CREB5: variants seen among roughly 807,000 people sequenced by gnomAD.
CREB5 encodes the protein cyclic AMP-responsive element-binding protein 5.
A neutral mutation model predicts 57.1 loss-of-function variants in CREB5; 19 were observed. The observed-to-expected ratio is 0.33, with a 90% CI of 0.23 to 0.49. The LOEUF (loss-of-function observed/expected upper bound fraction) is 0.49, where lower values mean the gene tolerates loss of function less well. CREB5 is among the 20% of genes least tolerant of loss of function. The pLI is 0.99. For synonymous variants in CREB5, 238 were observed against 238.3 expected (o/e 1.00, Z 0.01); for missense variants, 579 against 671.6 (o/e 0.86, Z 1.52).
rs562176269 is a variant in CREB5, at chr7:28,609,807, C to G, written c.464+39270C>G. ...ACACTCGCCTGTGGTTGACAGGACT[C>G]TGGCACAAGTGCCGTGGAGGATGAT... On this transcript the variant is annotated intron_variant, in intron 5 of 10. Coordinates refer to ENST00000357727, the MANE Select transcript of CREB5 (RefSeq NM_182898.4). Among the ~76,000 whole-genome samples, 9 of 152,322 alleles carry G rather than the reference C, an allele frequency of 5.9e-5. No homozygotes were observed. In the South Asian group the frequency reaches 1.2e-3, roughly 21 times the overall value.
chr7:28,490,460 G>A (rs1791748662), intron 2 of CREB5, among the ~76,000 whole-genome samples: 1 of 152,228 alleles, frequency 6.6e-6, no homozygotes, highest in African/African-American at 2.4e-5. Flanking sequence ...CCAGGGTTGT[G>A]TAGGACAGTA....
intron 4 of CREB5, among the ~76,000 whole-genome samples, chr7:28,527,161 G>T (rs1446861609): frequency 6.6e-6 from 1 of 152,192 alleles, no homozygotes. Context: ...CAACATCCAA[G>T]AAGTAGTTTG....
chr7:28,672,584 GC>G (rs1800104336), intron 5 of CREB5, among the ~76,000 whole-genome samples: 1 of 152,168 alleles, frequency 6.6e-6, no homozygotes, highest in Non-Finnish European at 1.5e-5. Context: ...AACGGGAAAT[GC>G]CCTGGGCCTC....
intron 5 of CREB5, among the ~76,000 whole-genome samples, chr7:28,673,564 C>T (rs1800153092): frequency 1.3e-5 from 2 of 151,720 alleles, no homozygotes; most frequent in Admixed American, 1.3e-4. Context: ...ATCTCATGCC[C>T]ATGGGCAATT....
chr7:28,570,284 C>T, intron 4 of CREB5, 81 bp from the exon 5 acceptor site: 2 of 1,453,654 alleles, frequency 1.4e-6, no homozygotes, highest in Non-Finnish European at 1.9e-6. Context: ...ACTAGATTCC[C>T]AGTTTTGGCC....
intron 3 of CREB5, among the ~76,000 whole-genome samples, chr7:28,502,468 A>G (rs964721825): frequency 5.3e-5 from 8 of 152,228 alleles, no homozygotes; most frequent in African/African-American, 1.9e-4. Flanking sequence ...ACTAATTCCA[A>G]TATTTTTCTC....
rs554002399 is a variant in CREB5, at chr7:28,483,305, G to C, written c.4-4870G>C. Among the ~76,000 whole-genome samples the C allele has an allele frequency of 5.9e-5, 9 of 152,310 alleles. No homozygotes were observed. In the South Asian group the frequency reaches 1.9e-3, roughly 32 times the overall value. On this transcript the variant is annotated intron_variant, in intron 1 of 10. Transcript: ENST00000357727. ...TTTAGACCAGGAATTTGTGGGGTCA[G>C]ACACTGAACAATGAAAGAGATTCTT... is the stretch of plus-strand genomic sequence containing the variant.
chr7:28,570,636 C>A, intron 5 of CREB5, 99 bp downstream of exon 5: 1 of 1,378,430 alleles, frequency 7.3e-7, no homozygotes, highest in Non-Finnish European at 9.9e-7. Flanking sequence ...GTTGGTTTTT[C>A]TGGCTGTCAT....
intron 7 of CREB5, among the ~76,000 whole-genome samples, chr7:28,770,039 G>A (rs1806235871): frequency 6.6e-6 from 1 of 152,202 alleles, no homozygotes; most frequent in African/African-American, 2.4e-5. Flanking sequence ...GACAGACAGG[G>A]AGCCTGAGCT....
At chr7:28,312,685 G>A (rs1305016590) in intron 1 of CREB5, among the ~76,000 whole-genome samples, 1 of 152,146 alleles carries the variant, frequency 6.6e-6, no homozygotes, top group Non-Finnish European at 1.5e-5. Flanking sequence ...GATAATTAAC[G>A]TGAAAGTGCC....
intron 1 of CREB5, among the ~76,000 whole-genome samples, chr7:28,324,236 C>G (rs1484242009): frequency 6.6e-6 from 1 of 152,180 alleles, no homozygotes; most frequent in African/African-American, 2.4e-5. Flanking sequence ...TTTTATCCTT[C>G]TAGCTTCTGC....
In CREB5 at chr7:28,560,897, C is replaced by CGTGT. The variant is rs1334757992; in HGVS notation, c.292-9465_292-9464insTGTG. ...GCGCGTGCGTGCGTGCGTGTGTGTG[C>CGTGT]GTGCGCGCGTGCGTGTGCGTGTGTG... is the stretch of plus-strand genomic sequence containing the variant. On this transcript the variant is annotated intron_variant, in intron 4 of 10. Coordinates refer to ENST00000357727, the MANE Select transcript of CREB5 (RefSeq NM_182898.4). 4.4e-4 allele frequency among the ~76,000 whole-genome samples: 10 copies of CGTGT among 22,548 alleles called. 1 individual carries two copies. Among genetic ancestry groups the CGTGT allele is most frequent in the Admixed American group, 2.0e-3 (4 of 2,000 alleles). 14.8% of individuals were successfully genotyped at this position (22,548 alleles called of 152,430 possible).
chr7:28,479,638 C>T (rs563016431), intron 1 of CREB5, among the ~76,000 whole-genome samples: 14 of 152,140 alleles, frequency 9.2e-5, no homozygotes, highest in Non-Finnish European at 1.8e-4. Context: ...CAACGGACAT[C>T]GTGAGCTGTC....
intron 4 of CREB5, among the ~76,000 whole-genome samples, chr7:28,534,488 C>T (rs1285789921): frequency 1.3e-5 from 2 of 152,210 alleles, no homozygotes; most frequent in African/African-American, 2.4e-5. Context: ...GCAATCCCTC[C>T]TGTAATCGTG....
intron 4 of CREB5, among the ~76,000 whole-genome samples, chr7:28,549,054 G>A (rs181573765): frequency 6.6e-6 from 1 of 152,280 alleles, no homozygotes; most frequent in Non-Finnish European, 1.5e-5. Flanking sequence ...ACTTCCTAAT[G>A]GAATACATGT....
intron 5 of CREB5, among the ~76,000 whole-genome samples, chr7:28,651,202 T>C (rs985186506): frequency 6.6e-6 from 1 of 152,246 alleles, no homozygotes; most frequent in South Asian, 2.1e-4. Flanking sequence ...GCAATTTTTA[T>C]TGAAAATCAT....
chr7:28,798,999 T>G (rs1014193207), intron 7 of CREB5, among the ~76,000 whole-genome samples: 1 of 152,042 alleles, frequency 6.6e-6, no homozygotes. Flanking sequence ...GAGAGTGGAG[T>G]AGAAATTTCT....
intron 1 of CREB5, among the ~76,000 whole-genome samples, chr7:28,406,737 C>T (rs1177008397): frequency 6.6e-6 from 1 of 152,186 alleles, no homozygotes; most frequent in Non-Finnish European, 1.5e-5. Context: ...AACTCTGGCT[C>T]TGAGAAATCC....
At chr7:28,524,068 G>A (rs1793321221) in intron 4 of CREB5, among the ~76,000 whole-genome samples, 2 of 152,208 alleles carry the variant, frequency 1.3e-5, no homozygotes. Context: ...GTGAATGAAT[G>A]TCCTCACTGA....
Sources: allele counts gnomAD v4.1 joint callset (sites outside exome capture counted in the v4.1 genomes callset), GRCh38; gene constraint gnomAD v4.1.1; transcripts MANE v1.5; gene names NCBI Gene and HGNC (gene_info 2026-07-23, HGNC 2026-07-21).